Variants in PTK7 observed in about 807,000 individuals in gnomAD.
The protein encoded by PTK7 is inactive tyrosine-protein kinase 7.
Under a neutral mutation model 116.6 loss-of-function variants are expected in PTK7, and 39 were observed. The observed-to-expected ratio is 0.33, with a 90% CI of 0.26 to 0.44. The LOEUF (loss-of-function observed/expected upper bound fraction) is 0.44. Ranked by LOEUF, PTK7 falls within the 20% of genes least tolerant of loss-of-function variation. The probability of loss-of-function intolerance (pLI) is 1.00; values close to 1 mark genes in which losing one functional copy is unlikely to be tolerated. For missense variants in PTK7, 1,169 were observed against 1,425.6 expected, an observed-to-expected ratio of 0.82 and a Z score of 2.90; for synonymous variants, 546 against 563.6, an observed-to-expected ratio of 0.97 and a Z score of 0.44.
In PTK7 at chr6:43,129,154, G is replaced by C; in HGVS notation, c.257G>C (p.Ser86Thr). 6.2e-7 allele frequency: 1 copy of C among 1,614,230 alleles called. No individual in the cohort carries two copies. The highest frequency in any genetic ancestry group is 1.1e-5 in the South Asian group (1 of 91,088). The change falls in exon 2 of 20, where the codon AGC becomes ACC. Residue 86 changes from serine to threonine, a missense_variant. Coordinates refer to ENST00000230419, the MANE Select transcript of PTK7 (RefSeq NM_002821.5). The surrounding 1 kb of genome is among the most constrained non-coding windows in gnomAD (Gnocchi z 4.5). ...CGTTTCGCCCAGGGCAGCAGCCTGAGCTTTGCAGCTGTGGACCGGCTGCAG... is the reference window on the plus strand; with the variant it reads ...CGTTTCGCCCAGGGCAGCAGCCTGACCTTTGCAGCTGTGGACCGGCTGCAG... ...ERRFAQGSSL[S>T]FAAVDRLQDS...
chr6:43,096,161 G>A (rs982899737), intron 1 of PTK7, among the ~76,000 whole-genome samples: 1 of 152,210 alleles, frequency 6.6e-6, no homozygotes, highest in Non-Finnish European at 1.5e-5. Context: ...CCTGTTCTGG[G>A]CCAGGCCTGC....
chr6:43,112,454 C>A (rs1387165292), intron 1 of PTK7, among the ~76,000 whole-genome samples: 1 of 151,812 alleles, frequency 6.6e-6, no homozygotes, highest in Non-Finnish European at 1.5e-5. Flanking sequence ...TGATTTCTTA[C>A]CTCCTCCATC....
intron 16 of PTK7, 126 bp from the exon 17 acceptor site, chr6:43,146,492 C>T (rs1040851103): frequency 1.1e-4 from 84 of 787,292 alleles, no homozygotes; most frequent in Non-Finnish European, 1.3e-4. Context: ...GGGAAAGGGG[C>T]CCAGGCTAGC....
At chr6:43,112,524 C>T (rs991121003) in intron 1 of PTK7, among the ~76,000 whole-genome samples, 1 of 152,052 alleles carries the variant, frequency 6.6e-6, no homozygotes, top group African/African-American at 2.4e-5. Context: ...GTCTTTCAGT[C>T]TCCCCTTCTC....
At chr6:43,136,923 G>C (rs1440895020) in intron 7 of PTK7, among the ~76,000 whole-genome samples, 1 of 152,186 alleles carries the variant, frequency 6.6e-6, no homozygotes, top group Non-Finnish European at 1.5e-5. Context: ...AGGGTTGCTT[G>C]AGCCTGGGAC....
chr6:43,095,493 G>T (rs1318381744), intron 1 of PTK7, among the ~76,000 whole-genome samples: 1 of 152,186 alleles, frequency 6.6e-6, no homozygotes, highest in Non-Finnish European at 1.5e-5. Context: ...TACCACATAT[G>T]GGTTTCGGAA....
At chr6:43,157,347 T>TATATATAG (rs1771515706) in intron 17 of PTK7, among the ~76,000 whole-genome samples, 1 of 14,536 alleles carries the variant, frequency 6.9e-5, no homozygotes, top group Non-Finnish European at 1.3e-4. Context: ...TATATATATA[T>TATATATAG]ATATATATAT....
intron 1 of PTK7, among the ~76,000 whole-genome samples, chr6:43,089,549 CT>C (rs1490768151): frequency 4.6e-5 from 7 of 152,236 alleles, no homozygotes; most frequent in Non-Finnish European, 1.0e-4. Flanking sequence ...CTGTCGATCT[CT>C]TAATAGTTCC....
At chr6:43,106,991 C>T (rs1049273677) in intron 1 of PTK7, among the ~76,000 whole-genome samples, 2 of 150,856 alleles carry the variant, frequency 1.3e-5, no homozygotes, top group Non-Finnish European at 2.9e-5. Flanking sequence ...GGCGCCATCT[C>T]GGCTCACTGC....
rs141195349 is a variant in PTK7 at position 43,130,675 on chromosome 6, C to G, written c.812+14C>G. 12 of 1,614,062 alleles carry G rather than the reference C, an allele frequency of 7.4e-6. No homozygotes were observed. The African/African-American group carries it at 1.3e-4, about 18-fold the overall frequency. Reference sequence around the variant, plus strand: ...TAACCGCAGTCGGTAAGGCATCTGGCTGGGAGCATTCCAGTACCATGTACC... The same window carrying G: ...TAACCGCAGTCGGTAAGGCATCTGGGTGGGAGCATTCCAGTACCATGTACC... On this transcript the variant is annotated intron_variant, in intron 5 of 19. Transcript: ENST00000230419.
chr6:43,125,303 C>T (rs1348626453), intron 1 of PTK7, among the ~76,000 whole-genome samples: 1 of 152,250 alleles, frequency 6.6e-6, no homozygotes, highest in Non-Finnish European at 1.5e-5. Context: ...CAGGCCCAGT[C>T]GTTGGGGCAC....
chr6:43,136,279 G>T (rs1214265847), intron 7 of PTK7, among the ~76,000 whole-genome samples: 1 of 150,856 alleles, frequency 6.6e-6, no homozygotes, highest in East Asian at 2.0e-4. Flanking sequence ...AGGTTGCAGT[G>T]AACAGAGATC....
In PTK7 at chr6:43,130,140, A is replaced by G. The variant is rs1769564802; in HGVS notation, c.471-90A>G. The stretch of plus-strand genomic sequence containing the variant: ...GGCCGTTTCTCCATGTATAAACTGA[A>G]AGGTCTAGCCCTGACCCTCTGATAC... On this transcript the variant is annotated intron_variant, in intron 3 of 19. Transcript: ENST00000230419. 17 of 1,331,104 alleles carry G rather than the reference A, an allele frequency of 1.3e-5. No individual in the cohort carries two copies. The South Asian group carries it at 2.4e-4, about 19-fold the overall frequency. The allele number at this position is 1,331,104 out of a possible 1,614,324, so 82.5% of individuals were successfully genotyped here. A position where few individuals can be genotyped will look rare whatever the true frequency, so the allele number is the denominator to read the frequency against.
In PTK7 at chr6:43,130,249, C is replaced by T; in HGVS notation, c.490C>T (p.Arg164Ter). 3 of 1,589,414 alleles carry T rather than the reference C, an allele frequency of 1.9e-6. No homozygotes were observed. Among genetic ancestry groups the T allele is most frequent in the Non-Finnish European group, 2.6e-6 (3 of 1,163,774 alleles). Residue 164 changes from arginine to a stop codon, truncating the protein, a stop_gained, in exon 4 of 20, where the codon CGA becomes TGA. Transcript: ENST00000230419. LOFTEE classifies it high-confidence loss of function. ...GHPRPTYQWF[R>*]DGTPLSDGQS... ...CTGCAGGCCCACCTACCAATGGTTCCGAGATGGGACCCCCCTTTCTGATGG... is the reference window on the plus strand; with the variant it reads ...CTGCAGGCCCACCTACCAATGGTTCTGAGATGGGACCCCCCTTTCTGATGG...
chr6:43,138,674 A>G, intron 7 of PTK7, 175 bp from the exon 8 acceptor site: 1 of 861,574 alleles, frequency 1.2e-6, no homozygotes, highest in Non-Finnish European at 1.7e-6. Context: ...AAGAAAAAAA[A>G]TTTTAAAAAA....
Position 43,132,118 on chromosome 6 carries a change from G to A in PTK7, c.915G>A (p.Gly305=), listed in dbSNP as rs147935332. The change falls in exon 6 of 20, where the codon GGG becomes GGA. Residue 305 remains glycine, a synonymous_variant. Transcript: ENST00000230419. ...GGATCTACCGCTGCATTGGCCAGGG[G>A]CAGAGGGGCCCACCCATCATCCTGG... ...NAGIYRCIGQ[G]QRGPPIILEA... is the part of the protein sequence containing the mutation. 2.9e-5 allele frequency: 46 copies of A among 1,613,714 alleles called. No individual in the cohort carries two copies. The highest frequency in any genetic ancestry group is 1.1e-4 in the African/African-American group (8 of 74,942).
intron 1 of PTK7, among the ~76,000 whole-genome samples, chr6:43,124,827 G>A (rs1041619809): frequency 2.2e-4 from 34 of 152,224 alleles, no homozygotes; most frequent in African/African-American, 7.2e-4. Flanking sequence ...GTTGAGGTGC[G>A]TATAGCAGGG....
Position 43,161,327 on chromosome 6 carries a change from A to T in PTK7, c.*446A>T, listed in dbSNP as rs574638392. The T allele has an allele frequency of 2.7e-4, 47 of 172,186 alleles. No individual in the cohort carries two copies. The highest frequency in any genetic ancestry group is 3.8e-4 in the Non-Finnish European group (30 of 79,286). The allele number at this position is 172,186 out of a possible 1,614,324, so 10.7% of individuals were successfully genotyped here. ...ACAGGGTTAATGAGTCTCTTGGCCC[A>T]CTGGTCCCACTTGGGGGTCTAGACC... On this transcript the variant is annotated 3_prime_UTR_variant, in exon 20 of 20. Transcript: ENST00000230419.
chr6:43,118,600 A>T (rs1338226113), intron 1 of PTK7, among the ~76,000 whole-genome samples: 2 of 136,228 alleles, frequency 1.5e-5, no homozygotes, highest in African/African-American at 2.7e-5. Flanking sequence ...TGGACAGAGC[A>T]GGTTTAAGGA....
Sources: allele counts gnomAD v4.1 joint callset (sites outside exome capture counted in the v4.1 genomes callset), GRCh38; gene constraint gnomAD v4.1.1; non-coding constraint Gnocchi (gnomAD v3.1); transcripts MANE v1.5; gene names NCBI Gene and HGNC (gene_info 2026-07-23, HGNC 2026-07-21).